The following NLGN1 variants were observed in gnomAD, a reference collection of about 807,000 sequenced individuals.
The protein encoded by NLGN1 is neuroligin-1.
In NLGN1, 12 loss-of-function variants were observed where a neutral mutation model predicts 65.5. The ratio of observed to expected loss-of-function variants is 0.18; its 90% CI spans 0.12 to 0.30. The LOEUF is 0.30. Among genes scored for constraint, NLGN1 ranks in the 10% least tolerant of loss-of-function variants. The probability of loss-of-function intolerance (pLI) is 1.00; values close to 1 mark genes in which losing one functional copy is unlikely to be tolerated. For missense variants in NLGN1, 750 were observed against 1,007.1 expected (o/e 0.74, Z 3.46); for synonymous variants, 350 against 359.5 (o/e 0.97, Z 0.30).
intron 2 of NLGN1, among the ~76,000 whole-genome samples, chr3:173,549,460 G>T (rs1421258397): frequency 6.6e-6 from 1 of 151,920 alleles, no homozygotes; most frequent in African/African-American, 2.4e-5. Context: ...AAAGTGATTA[G>T]ATTTATTTCA....
At chr3:173,720,608 T>G (rs1341582199) in intron 3 of NLGN1, among the ~76,000 whole-genome samples, 1 of 152,178 alleles carries the variant, frequency 6.6e-6, no homozygotes, top group Non-Finnish European at 1.5e-5. Flanking sequence ...TATTAGTAAG[T>G]GAATTCCACT....
chr3:173,940,007 G>A (rs917838930), intron 4 of NLGN1, among the ~76,000 whole-genome samples: 5 of 147,864 alleles, frequency 3.4e-5, no homozygotes, highest in Middle Eastern at 3.2e-3. Context: ...TCAGGCACTG[G>A]ACTAGAAACA....
chr3:173,850,320 T>C (rs766916006), intron 4 of NLGN1, among the ~76,000 whole-genome samples: 20 of 152,176 alleles, frequency 1.3e-4, no homozygotes, highest in Non-Finnish European at 2.5e-4. Flanking sequence ...ACTATATGTA[T>C]TGATGCTGAC....
chr3:173,727,521 C>T (rs1364359140), intron 3 of NLGN1, among the ~76,000 whole-genome samples: 1 of 152,120 alleles, frequency 6.6e-6, no homozygotes, highest in Non-Finnish European at 1.5e-5. Context: ...AATACTGACA[C>T]AAAACCTAGA....
intron 4 of NLGN1, among the ~76,000 whole-genome samples, chr3:173,826,382 CAT>C (rs1721340094): frequency 6.6e-6 from 1 of 151,992 alleles, no homozygotes; most frequent in African/African-American, 2.4e-5. Flanking sequence ...GAACCCATAA[CAT>C]TGGCTAGAAT....
chr3:173,695,722 C>T lies in NLGN1; in HGVS notation c.493+90631C>T, dbSNP rs150191665. 3.2e-3 allele frequency among the ~76,000 whole-genome samples: 486 copies of T among 152,246 alleles called. 3 individuals carry two copies. Among genetic ancestry groups the T allele is most frequent in the African/African-American group, 0.011 (465 of 41,534 alleles). On this transcript the variant is annotated intron_variant, in intron 3 of 6. Transcript: ENST00000457714. ...AAGCATATCCACAAGCATAACTCAACCTTATTACGATCACTTCTTGAAATA... is the reference window on the plus strand; with the variant it reads ...AAGCATATCCACAAGCATAACTCAATCTTATTACGATCACTTCTTGAAATA...
chr3:173,429,606 G>T (rs1461953240), intron 1 of NLGN1, among the ~76,000 whole-genome samples: 1 of 152,130 alleles, frequency 6.6e-6, no homozygotes, highest in African/African-American at 2.4e-5. Context: ...TTCAGTCTTT[G>T]CTGTCTGCCT....
At chr3:173,869,664 T>C (rs1230253172) in intron 4 of NLGN1, among the ~76,000 whole-genome samples, 2 of 152,132 alleles carry the variant, frequency 1.3e-5, no homozygotes, top group Non-Finnish European at 2.9e-5. Context: ...AACCCAGTCT[T>C]CTTGGTGTAG....
intron 1 of NLGN1, among the ~76,000 whole-genome samples, chr3:173,406,375 A>G (rs985178099): frequency 5.3e-5 from 8 of 151,610 alleles, no homozygotes; most frequent in African/African-American, 1.9e-4. Context: ...ATTGACAGGT[A>G]AAAATGAAGT....
intron 4 of NLGN1, among the ~76,000 whole-genome samples, chr3:173,858,091 G>A (rs993314653): frequency 3.0e-4 from 45 of 151,854 alleles, no homozygotes; most frequent in Non-Finnish European, 5.0e-4. Context: ...ATTTCTCTTC[G>A]TAGGAAGAGA....
At chr3:173,790,765 T>C (rs949914405) in intron 3 of NLGN1, among the ~76,000 whole-genome samples, 1 of 152,118 alleles carries the variant, frequency 6.6e-6, no homozygotes, top group African/African-American at 2.4e-5. Context: ...AAAACAAATA[T>C]TTAACTAAAC....
At chr3:173,825,475 A>G (rs1299829833) in intron 4 of NLGN1, among the ~76,000 whole-genome samples, 6 of 152,060 alleles carry the variant, frequency 3.9e-5, no homozygotes, top group African/African-American at 1.4e-4. Flanking sequence ...GATTAATATT[A>G]GTAAGATGTA....
chr3:173,676,256 C>G (rs11710418), intron 3 of NLGN1, among the ~76,000 whole-genome samples: 9 of 151,950 alleles, frequency 5.9e-5, no homozygotes, highest in Non-Finnish European at 1.2e-4. Context: ...ATGCCTTTGA[C>G]AGACTATAGA....
intron 1 of NLGN1, among the ~76,000 whole-genome samples, chr3:173,418,987 G>A (rs1239247115): frequency 2.9e-5 from 1 of 34,812 alleles, no homozygotes; most frequent in Non-Finnish European, 6.2e-5. Flanking sequence ...TTTTTTTGCA[G>A]TTTCCTTTCT....
intron 1 of NLGN1, among the ~76,000 whole-genome samples, chr3:173,416,226 C>T (rs1369022272): frequency 2.0e-5 from 3 of 152,162 alleles, no homozygotes; most frequent in Non-Finnish European, 4.4e-5. Context: ...CATTCCATTG[C>T]CCAGACTTCT....
At chr3:174,077,928 T>C (rs188824615) in intron 4 of NLGN1, among the ~76,000 whole-genome samples, 39 of 152,238 alleles carry the variant, frequency 2.6e-4, no homozygotes, top group African/African-American at 9.1e-4. Flanking sequence ...ACCAGAAAAT[T>C]TCACAGATGT....
intron 2 of NLGN1, among the ~76,000 whole-genome samples, chr3:173,460,595 A>T (rs1164333462): frequency 6.6e-6 from 1 of 152,122 alleles, no homozygotes; most frequent in Non-Finnish European, 1.5e-5. Flanking sequence ...AACATGTATA[A>T]GTAGAAGTAC....
At chr3:173,410,648 G>A (rs1009860604) in intron 1 of NLGN1, among the ~76,000 whole-genome samples, 1 of 152,176 alleles carries the variant, frequency 6.6e-6, no homozygotes, top group African/African-American at 2.4e-5. Flanking sequence ...TTGAGTCATA[G>A]GCTTGCTAGG....
chr3:173,640,131 A>G (rs1184933765), intron 3 of NLGN1, among the ~76,000 whole-genome samples: 3 of 152,320 alleles, frequency 2.0e-5, no homozygotes, highest in Non-Finnish European at 4.4e-5. Context: ...TGTACCAAGT[A>G]TGTAACATAT....
Sources: gnomAD v4.1 joint callset for allele counts (sites outside exome capture counted in the v4.1 genomes callset) on GRCh38, gnomAD v4.1.1 for gene constraint, MANE v1.5 for transcripts, NCBI Gene and HGNC (gene_info 2026-07-23, HGNC 2026-07-21) for gene names.